Variants in PCDHA9 observed in about 807,000 individuals in gnomAD.
PCDHA9 encodes the protein protocadherin alpha-9.
A neutral mutation model predicts 62.0 loss-of-function variants in PCDHA9; 62 were observed. The ratio of observed to expected loss-of-function variants is 1.00; its 90% CI spans 0.81 to 1.23. The LOEUF (loss-of-function observed/expected upper bound fraction) is 1.23, where lower values mean the gene tolerates loss of function less well. Among genes scored for constraint, PCDHA9 ranks in the 50% most tolerant of loss-of-function variants. The pLI, the probability that PCDHA9 is intolerant of heterozygous loss-of-function variation, is 0.00. For missense variants in PCDHA9, 1,205 were observed against 1,249.8 expected (o/e 0.96, Z 0.54); for synonymous variants, 557 against 567.6 (o/e 0.98, Z 0.27).
intron 3 of PCDHA9, among the ~76,000 whole-genome samples, chr5:141,009,356 G>T (rs535761188): frequency 7.9e-5 from 12 of 152,204 alleles, no homozygotes; most frequent in Non-Finnish European, 1.6e-4. Context: ...CTACTTGGGA[G>T]GCTAAGATGG....
intron 1 of PCDHA9, among the ~76,000 whole-genome samples, chr5:140,888,561 G>A (rs2061877783): frequency 6.6e-6 from 1 of 152,156 alleles, no homozygotes; most frequent in South Asian, 2.1e-4. Flanking sequence ...TTCCTTTCAA[G>A]GCTTCATTTT....
chr5:140,940,096 T>C (rs2153644801), intron 1 of PCDHA9, among the ~76,000 whole-genome samples: 1 of 152,378 alleles, frequency 6.6e-6, no homozygotes, highest in East Asian at 1.9e-4. Context: ...ATTGAAACTT[T>C]TAGCGTTATG....
At chr5:140,937,174 A>G (rs1449263512) in intron 1 of PCDHA9, among the ~76,000 whole-genome samples, 1 of 151,302 alleles carries the variant, frequency 6.6e-6, no homozygotes, top group Non-Finnish European at 1.5e-5. Flanking sequence ...AGTAGCTGGG[A>G]CTACAGGCGC....
At chr5:140,995,214 CTCT>C (rs1563606225) in intron 3 of PCDHA9, among the ~76,000 whole-genome samples, 1 of 152,136 alleles carries the variant, frequency 6.6e-6, no homozygotes, top group East Asian at 1.9e-4. Flanking sequence ...AGGCACAATA[CTCT>C]TGTGCTTTGG....
intron 1 of PCDHA9, chr5:140,870,974 G>A: frequency 1.2e-6 from 2 of 1,613,628 alleles, no homozygotes; most frequent in Middle Eastern, 1.7e-4. Flanking sequence ...TTCCGCGTGG[G>A]GCTGTACACG....
chr5:141,010,506 C>A lies in PCDHA9; in HGVS notation c.*569C>A. ...CTTAAAGGGACCAGACTTTCTAAAT[C>A]TTACAACTCAAGAGGTGGCAGCCAC... is the stretch of plus-strand genomic sequence containing the variant. On this transcript the variant is annotated 3_prime_UTR_variant, in exon 4 of 4. Transcript: ENST00000532602. 1 of 549,534 alleles carries A rather than the reference C, an allele frequency of 1.8e-6. No homozygotes were observed. The highest frequency in any genetic ancestry group is 2.9e-6 in the Non-Finnish European group (1 of 344,162). 34.0% of individuals were successfully genotyped at this position (549,534 alleles called of 1,614,324 possible). A position where few individuals can be genotyped will look rare whatever the true frequency, so the allele number is the denominator to read the frequency against.
At chr5:140,927,349 G>T in intron 1 of PCDHA9, 1 of 1,614,016 alleles carries the variant, frequency 6.2e-7, no homozygotes, top group Non-Finnish European at 8.5e-7. Flanking sequence ...AGATGACGAC[G>T]AGGGAAGCAA....
intron 3 of PCDHA9, among the ~76,000 whole-genome samples, chr5:141,004,400 G>A (rs183932833): frequency 7.4e-4 from 113 of 152,304 alleles, no homozygotes; most frequent in African/African-American, 2.7e-3. Flanking sequence ...TGTGGAGGAG[G>A]CACCTGACTA....
chr5:140,852,882 C>A (rs1562485802), intron 1 of PCDHA9: 2 of 936,178 alleles, frequency 2.1e-6, no homozygotes, highest in South Asian at 4.9e-5. Flanking sequence ...AATCATAAAA[C>A]GTATTTTTTT....
At position 140,852,910 on chromosome 5, in the gene PCDHA9, G is replaced by A. The variant is rs2150524838; in HGVS notation, c.2394+2021G>A. On this transcript the variant is annotated intron_variant, in intron 1 of 3. Transcript: ENST00000532602. The stretch of plus-strand genomic sequence containing the variant: ...ATTTTTTTTTTTGAGTCAGAGTCTC[G>A]CTCTGTTGCCCAGGCTGGAGTGCAG... 89 of 797,098 alleles carry A rather than the reference G, an allele frequency of 1.1e-4. 6 individuals carry two copies. Among genetic ancestry groups the A allele is most frequent in the Non-Finnish European group, 1.3e-4 (84 of 645,392 alleles). The allele number at this position is 797,098 out of a possible 1,614,324, so 49.4% of individuals were successfully genotyped here. A position where few individuals can be genotyped will look rare whatever the true frequency, so the allele number is the denominator to read the frequency against.
intron 1 of PCDHA9, chr5:140,966,754 G>A (rs1554228611): frequency 1.4e-6 from 2 of 1,432,146 alleles, no homozygotes; most frequent in South Asian, 3.0e-5. Context: ...TGCCTCCGCC[G>A]CGGCCAGTGG....
intron 1 of PCDHA9, among the ~76,000 whole-genome samples, chr5:140,975,757 A>G (rs779490429): frequency 6.6e-5 from 10 of 152,234 alleles, no homozygotes; most frequent in South Asian, 2.1e-4. Flanking sequence ...ATTCTATGTC[A>G]TAAATCACAG....
chr5:140,889,547 T>C (rs2062267601), intron 1 of PCDHA9, among the ~76,000 whole-genome samples: 1 of 152,192 alleles, frequency 6.6e-6, no homozygotes, highest in Non-Finnish European at 1.5e-5. Context: ...TCTAATTTAC[T>C]TTTCTTCAGA....
At chr5:140,993,018 C>T (rs2097537347) in intron 3 of PCDHA9, among the ~76,000 whole-genome samples, 1 of 152,174 alleles carries the variant, frequency 6.6e-6, no homozygotes, top group African/African-American at 2.4e-5. Flanking sequence ...AGTCCAGCAT[C>T]CCCTGTGGGC....
chr5:141,008,953 A>G (rs1554261966), intron 3 of PCDHA9, among the ~76,000 whole-genome samples: 1 of 152,240 alleles, frequency 6.6e-6, no homozygotes, highest in African/African-American at 2.4e-5. Context: ...CAAAATAGAC[A>G]TCCTAATACA....
At chr5:140,990,628 G>A (rs1380038956) in intron 3 of PCDHA9, among the ~76,000 whole-genome samples, 1 of 152,154 alleles carries the variant, frequency 6.6e-6, no homozygotes, top group African/African-American at 2.4e-5. Flanking sequence ...TCTGTGGTAA[G>A]ACTAGAAGCC....
chr5:140,861,756 T>C (rs1158733756), intron 1 of PCDHA9: 1 of 108,868 alleles, frequency 9.2e-6, no homozygotes, highest in Non-Finnish European at 1.9e-5. Context: ...AATGATTATT[T>C]TTCCCTGGAA....
chr5:140,924,437 T>A (rs2081836231), intron 1 of PCDHA9, among the ~76,000 whole-genome samples: 1 of 152,206 alleles, frequency 6.6e-6, no homozygotes, highest in Admixed American at 6.5e-5. Flanking sequence ...CTAGAAGAGA[T>A]AACGAATGGG....
At chr5:140,863,489 C>T (rs1032120656) in intron 1 of PCDHA9, 20 of 450,876 alleles carry the variant, frequency 4.4e-5, no homozygotes, top group Non-Finnish European at 8.4e-5. Context: ...CCAAGGTCAA[C>T]ATTACGGCTT....
Sources: gnomAD v4.1 joint callset for allele counts (sites outside exome capture counted in the v4.1 genomes callset) on GRCh38, gnomAD v4.1.1 for gene constraint, MANE v1.5 for transcripts, NCBI Gene and HGNC (gene_info 2026-07-23, HGNC 2026-07-21) for gene names.